Variants in ROBO1 observed in about 807,000 individuals in gnomAD.
The protein encoded by ROBO1 is roundabout guidance receptor 1.
ROBO1 carries 149 observed loss-of-function variants against 195.9 expected under a neutral mutation model. That is an observed-to-expected ratio of 0.76 (90% CI 0.67 to 0.87). The LOEUF is 0.87. Ranked by LOEUF, ROBO1 falls within the 40% of genes least tolerant of loss-of-function variation. The pLI, the probability that ROBO1 is intolerant of heterozygous loss-of-function variation, is 0.00. For synonymous variants in ROBO1, 816 were observed against 733.2 expected (o/e 1.11, Z -1.82); for missense variants, 1,933 against 2,068.3 (o/e 0.93, Z 1.27).
chr3:79,327,283 A>G (rs1199755255), intron 2 of ROBO1, among the ~76,000 whole-genome samples: 1 of 151,988 alleles, frequency 6.6e-6, no homozygotes, highest in Non-Finnish European at 1.5e-5. Context: ...TATAAAATGT[A>G]TATGCATATA....
chr3:79,735,778 G>C (rs1186068983), intron 1 of ROBO1, among the ~76,000 whole-genome samples: 1 of 151,700 alleles, frequency 6.6e-6, no homozygotes, highest in Non-Finnish European at 1.5e-5. Flanking sequence ...GGCTGAGGCA[G>C]GAGAATTGAT....
intron 2 of ROBO1, among the ~76,000 whole-genome samples, chr3:79,136,513 G>A (rs892835498): frequency 7.2e-5 from 11 of 152,100 alleles, no homozygotes; most frequent in African/African-American, 2.7e-4. Context: ...TGAGAATTGT[G>A]TTCTACAAAT....
intron 2 of ROBO1, among the ~76,000 whole-genome samples, chr3:79,372,853 T>C (rs936394894): frequency 6.6e-6 from 1 of 152,166 alleles, no homozygotes; most frequent in Non-Finnish European, 1.5e-5. Flanking sequence ...TATACTAAAA[T>C]ATAGATGGTA....
intron 2 of ROBO1, among the ~76,000 whole-genome samples, chr3:79,382,142 C>A (rs1264348601): frequency 2.0e-5 from 3 of 152,132 alleles, no homozygotes; most frequent in Admixed American, 6.6e-5. Context: ...AAATAGGTAG[C>A]ATTTTGAATG....
intron 2 of ROBO1, among the ~76,000 whole-genome samples, chr3:79,322,015 G>GCTAAAA (rs2034001075): frequency 6.6e-6 from 1 of 152,086 alleles, no homozygotes. Context: ...ATTTTTAAAA[G>GCTAAAA]GTCCTAAGAT....
chr3:78,810,930 T>G (rs2084718266), intron 4 of ROBO1, among the ~76,000 whole-genome samples: 1 of 152,154 alleles, frequency 6.6e-6, no homozygotes, highest in African/African-American at 2.4e-5. Context: ...TCAATCAACC[T>G]GCTCAAGAAA....
intron 4 of ROBO1, among the ~76,000 whole-genome samples, chr3:78,809,790 T>C (rs998400575): frequency 6.2e-5 from 8 of 129,446 alleles, no homozygotes; most frequent in African/African-American, 2.1e-4. Flanking sequence ...AGTTGAACAA[T>C]GAGAACACAT....
chr3:79,332,966 C>G (rs1351546995), intron 2 of ROBO1, among the ~76,000 whole-genome samples: 1 of 152,100 alleles, frequency 6.6e-6, no homozygotes, highest in African/African-American at 2.4e-5. Flanking sequence ...CGTTGGGAGT[C>G]TGAGGTGAGT....
intron 5 of ROBO1, among the ~76,000 whole-genome samples, chr3:78,742,086 T>C (rs1244506533): frequency 6.6e-6 from 1 of 152,154 alleles, no homozygotes; most frequent in Non-Finnish European, 1.5e-5. Context: ...TTTCCCCTTT[T>C]TGTAGGGTGT....
Position 79,192,481 on chromosome 3 carries a change from A to G in ROBO1, c.89-66942T>C, listed in dbSNP as rs560649705. ...TTTAGATTGATGAAGAATTCATCAG[A>G]AAAGTCTGCTCTAAGGAAATGAGGT... is the stretch of plus-strand genomic sequence containing the variant. On this transcript the variant is annotated intron_variant, in intron 2 of 30. Coordinates refer to ENST00000464233, the MANE Select transcript of ROBO1 (RefSeq NM_002941.4). Among the ~76,000 whole-genome samples the G allele has an allele frequency of 4.0e-5, 6 of 151,812 alleles. No individual in the cohort carries two copies. In the South Asian group the frequency reaches 1.2e-3, roughly 31 times the overall value.
chr3:78,842,105 G>T (rs1300562745), intron 4 of ROBO1, among the ~76,000 whole-genome samples: 10 of 145,810 alleles, frequency 6.9e-5, no homozygotes, highest in African/African-American at 2.5e-4. Flanking sequence ...CAGGCCATCT[G>T]CAGATAAAAT....
intron 4 of ROBO1, among the ~76,000 whole-genome samples, chr3:78,871,151 C>T (rs887631396): frequency 2.0e-5 from 3 of 152,066 alleles, no homozygotes; most frequent in African/African-American, 7.2e-5. Flanking sequence ...AGAAAGCAAA[C>T]CCAAAGCCAT....
intron 3 of ROBO1, among the ~76,000 whole-genome samples, chr3:78,951,092 ACTCT>A (rs2040753793): frequency 6.6e-6 from 1 of 151,606 alleles, no homozygotes; most frequent in African/African-American, 2.4e-5. Flanking sequence ...GATATATATA[ACTCT>A]GACTCACTTT....
chr3:79,739,059 C>A (rs1192387591), intron 1 of ROBO1, among the ~76,000 whole-genome samples: 1 of 152,036 alleles, frequency 6.6e-6, no homozygotes, highest in Admixed American at 6.5e-5. Flanking sequence ...TCATAATCAC[C>A]CAGAGTTTAG....
Position 78,982,599 on chromosome 3 carries a change from C to A in ROBO1, c.173-43672G>T, listed in dbSNP as rs528391378. Among the ~76,000 whole-genome samples the A allele has an allele frequency of 2.0e-5, 3 of 152,170 alleles. No individual in the cohort carries two copies. In the South Asian group the frequency reaches 6.2e-4, roughly 32 times the overall value. ...AAGTCATTTACATTGTAAAAGTAAG[C>A]CCCATAGCTGCCTTTTTGTAAATTT... On this transcript the variant is annotated intron_variant, in intron 3 of 30. Transcript: ENST00000464233.
intron 2 of ROBO1, among the ~76,000 whole-genome samples, chr3:79,281,509 G>T (rs1473894898): frequency 6.6e-6 from 1 of 152,122 alleles, no homozygotes; most frequent in East Asian, 1.9e-4. Flanking sequence ...AGCTTGAAAA[G>T]AATAAACATT....
intron 2 of ROBO1, among the ~76,000 whole-genome samples, chr3:79,552,921 C>T (rs1296158087): frequency 6.6e-6 from 1 of 152,132 alleles, no homozygotes; most frequent in East Asian, 1.9e-4. Flanking sequence ...GTATTAAACA[C>T]ATAAATTGAA....
At chr3:78,618,815 T>C (rs1704278986) in intron 26 of ROBO1, among the ~76,000 whole-genome samples, 1 of 152,182 alleles carries the variant, frequency 6.6e-6, no homozygotes, top group East Asian at 1.9e-4. Flanking sequence ...TCCCAAAATA[T>C]AGGTAAACAG....
chr3:78,709,603 T>C (rs2081632818), intron 8 of ROBO1, among the ~76,000 whole-genome samples: 2 of 152,200 alleles, frequency 1.3e-5, no homozygotes, highest in Non-Finnish European at 2.9e-5. Context: ...CCATGAATGT[T>C]ACACCAAATG....
Sources: allele counts gnomAD v4.1 joint callset (sites outside exome capture counted in the v4.1 genomes callset), GRCh38; gene constraint gnomAD v4.1.1; transcripts MANE v1.5; gene names NCBI Gene and HGNC (gene_info 2026-07-23, HGNC 2026-07-21).